ZKSCAN4: variants seen among roughly 807,000 people sequenced by gnomAD.
ZKSCAN4 encodes the protein zinc finger with KRAB and SCAN domains 4, also known as zinc finger protein with KRAB and SCAN domains 4.
In ZKSCAN4, 23 loss-of-function variants were observed where a neutral mutation model predicts 30.8. The observed-to-expected ratio is 0.75, with a 90% CI of 0.54 to 1.06. The LOEUF is 1.06. ZKSCAN4 is among the 50% of genes least tolerant of loss of function. The pLI is 0.00. For synonymous variants in ZKSCAN4, 208 were observed against 252.5 expected (o/e 0.82, Z 1.67); for missense variants, 556 against 665.4 (o/e 0.84, Z 1.81).
At position 28,245,719 on chromosome 6, in the gene ZKSCAN4, C is replaced by G; in HGVS notation, c.1035G>C (p.Glu345Asp). 2 of 1,614,274 alleles carry G rather than the reference C, an allele frequency of 1.2e-6. No individual in the cohort carries two copies. The highest frequency in any genetic ancestry group is 1.7e-6 in the Non-Finnish European group (2 of 1,180,044). Residue 345 changes from glutamate to aspartate, a missense_variant, in exon 5 of 5, where the codon GAG (glutamate) becomes GAC (aspartate). Coordinates refer to ENST00000377294, the MANE Select transcript of ZKSCAN4 (RefSeq NM_019110.5). ...LTKHRRIHTG[E>D]KPYECEDCGK... ...CACAGTCTTCACATTCATAGGGTTT[C>G]TCACCAGTGTGGATTCTCCTGTGTT...
chr6:28,252,137 ATCTC>A lies in ZKSCAN4; in HGVS notation c.-161_-158del. The A allele has an allele frequency of 2.9e-6, 2 of 687,822 alleles. No individual in the cohort carries two copies. The highest frequency in any genetic ancestry group is 3.3e-5 in the Admixed American group (1 of 30,664). The allele number at this position is 687,822 out of a possible 1,614,324, so 42.6% of individuals were successfully genotyped here. A position where few individuals can be genotyped will look rare whatever the true frequency, so the allele number is the denominator to read the frequency against. On this transcript the variant is annotated 5_prime_UTR_variant, in exon 1 of 5. Transcript: ENST00000377294. ...CACCCCCTGAGGCGCAGCTGCACAG[ATCTC>A]TCTTATAGTCCGTGCCTTTGCAGGG...
rs1046948249 is a variant in ZKSCAN4, at chr6:28,246,149, G to A, written c.779-174C>T. 1.4e-5 allele frequency: 12 copies of A among 839,270 alleles called. No individual in the cohort carries two copies. The African/African-American group carries it at 1.9e-4, about 13-fold the overall frequency. 52.0% of individuals were successfully genotyped at this position (839,270 alleles called of 1,614,324 possible). On this transcript the variant is annotated intron_variant, in intron 4 of 4. Coordinates refer to ENST00000377294, the MANE Select transcript of ZKSCAN4 (RefSeq NM_019110.5). ...GGAGAACAGGGGTGCTGGGGAGGAA[G>A]GAGGCCTGAGAATGAGAATGGGGCC... is the stretch of plus-strand genomic sequence containing the variant.
Position 28,249,852 on chromosome 6 carries a change from T to C in ZKSCAN4, c.424-18A>G, listed in dbSNP as rs763077579. 1.2e-6 allele frequency: 2 copies of C among 1,612,148 alleles called. No homozygotes were observed. The highest frequency in any genetic ancestry group is 1.7e-6 in the Non-Finnish European group (2 of 1,179,450). On this transcript the variant is annotated intron_variant, in intron 1 of 4. Transcript: ENST00000377294. This position sits in a 1 kb window ranked among gnomAD's most constrained non-coding sequence, Gnocchi z 4.1. ...ACGGGAACCTAGAAGTCACGATTTT[T>C]AGTTATCTACCCAACATTTCTATGT...
At chr6:28,247,114 A>T in intron 3 of ZKSCAN4, 22 bp from the exon 4 acceptor site, 1 of 1,563,776 alleles carries the variant, frequency 6.4e-7, no homozygotes, top group East Asian at 2.3e-5. Flanking sequence ...GGTAGTCCTA[A>T]CTAGCTCCTC....
chr6:28,249,761 T>C lies in ZKSCAN4; in HGVS notation c.497A>G (p.Gln166Arg). ...CTTCATTGGCTGGCACTGGCTACTT[T>C]GAGACCCTTGAGTTTGTGTCAATAG... ...MALLTQTQGS[Q>R]SSQCQPMKAL... is the part of the protein sequence containing the mutation. Residue 166 changes from glutamine to arginine, a missense_variant, in exon 2 of 5, where the codon CAA becomes CGA. By Grantham distance (43) the Gln-to-Arg change is conservative (BLOSUM62 1). Coordinates refer to ENST00000377294, the MANE Select transcript of ZKSCAN4 (RefSeq NM_019110.5). The surrounding 1 kb of genome is among the most constrained non-coding windows in gnomAD (Gnocchi z 4.1). 1 of 1,614,126 alleles carries C rather than the reference T, an allele frequency of 6.2e-7. No homozygotes were observed. Among genetic ancestry groups the C allele is most frequent in the Non-Finnish European group, 8.5e-7 (1 of 1,179,982 alleles).
chr6:28,250,016 C>G (rs1416668512), intron 1 of ZKSCAN4, among the ~76,000 whole-genome samples, 182 bp from the exon 2 acceptor site: 1 of 151,284 alleles, frequency 6.6e-6, no homozygotes, highest in Non-Finnish European at 1.5e-5. Context: ...GGAGATGTGG[C>G]CCGGATCCTC....
At chr6:28,256,000 G>A (rs1761164679), upstream of ZKSCAN4, among the ~76,000 whole-genome samples, 1 of 152,236 alleles carries the variant, frequency 6.6e-6, no homozygotes. Flanking sequence ...GAAATAGTTA[G>A]AGGTGAAGCA....
rs1761027234 is a variant in ZKSCAN4 at position 28,251,984 on chromosome 6, G to A, written c.-4C>T. 1 of 1,516,742 alleles carries A rather than the reference G, an allele frequency of 6.6e-7. No homozygotes were observed. Among genetic ancestry groups the A allele is most frequent in the Non-Finnish European group, 8.8e-7 (1 of 1,136,162 alleles). 94.0% of individuals were successfully genotyped at this position (1,516,742 alleles called of 1,614,324 possible). On this transcript the variant is annotated 5_prime_UTR_variant, in exon 1 of 5. Coordinates refer to ENST00000377294, the MANE Select transcript of ZKSCAN4 (RefSeq NM_019110.5). The surrounding 1 kb of genome is among the most constrained non-coding windows in gnomAD (Gnocchi z 4.5). ...TTTTTCTCGGTTCTCTAGCCATTCTGACCCAAGGCAGTACTCGGGTCTCAC... is the reference window on the plus strand; with the variant it reads ...TTTTTCTCGGTTCTCTAGCCATTCTAACCCAAGGCAGTACTCGGGTCTCAC...
Position 28,251,390 on chromosome 6 carries a change from A to C in ZKSCAN4, c.423+168T>G. ...TTATAGTTTCTTTATATATTTAAAA[A>C]TATAATTCTGAGAAGGAGTCCAGGG... On this transcript the variant is annotated intron_variant, in intron 1 of 4. Transcript: ENST00000377294. This position sits in a 1 kb window ranked among gnomAD's most constrained non-coding sequence, Gnocchi z 4.5. The C allele has an allele frequency of 9.8e-7, 1 of 1,020,374 alleles. No individual in the cohort carries two copies. Among genetic ancestry groups the C allele is most frequent in the Non-Finnish European group, 1.5e-6 (1 of 678,132 alleles). The allele number at this position is 1,020,374 out of a possible 1,614,324, so 63.2% of individuals were successfully genotyped here.
In ZKSCAN4 at chr6:28,241,857, G is replaced by C. The variant is rs1033006107; in HGVS notation, c.*3259C>G. Among the ~76,000 whole-genome samples the C allele has an allele frequency of 6.6e-6, 1 of 151,990 alleles. No homozygotes were observed. The highest frequency in any genetic ancestry group is 1.9e-4 in the East Asian group (1 of 5,186). On this transcript the variant is annotated 3_prime_UTR_variant, in exon 5 of 5. Transcript: ENST00000377294. ...TCTTATTTGTATAAGCAGATCCTCA[G>C]AATCCTAGGAGTTAAGTTGTCATTC...
Position 28,249,695 on chromosome 6 carries a change from TG to T in ZKSCAN4, c.562del (p.His188ThrfsTer22). ...CAGAAGAGAATACTCACCTCTATCG[TG>T]TAAGGGCTGGGATCCCAGAGATTCA... ...KHESLGSQPL[H>X]DRVLQVPGLA... On this transcript the variant is annotated frameshift_variant, in exon 2 of 5. Transcript: ENST00000377294. LOFTEE classifies it high-confidence loss of function. This position sits in a 1 kb window ranked among gnomAD's most constrained non-coding sequence, Gnocchi z 4.1. 6.2e-7 allele frequency: 1 copy of T among 1,613,900 alleles called. No individual in the cohort carries two copies. Among genetic ancestry groups the T allele is most frequent in the Non-Finnish European group, 8.5e-7 (1 of 1,179,930 alleles).
rs185212065 is a variant in ZKSCAN4, at chr6:28,248,208, C to A, written c.572-59G>T. On this transcript the variant is annotated intron_variant, in intron 2 of 4. Coordinates refer to ENST00000377294, the MANE Select transcript of ZKSCAN4 (RefSeq NM_019110.5). ...CCTAGTATTCAGCCTCCCCACCTTG[C>A]AAAATCCAAGTTCAAAAACTGGGGC... The A allele has an allele frequency of 1.0e-5, 14 of 1,396,196 alleles. No homozygotes were observed. The Admixed American group carries it at 3.0e-4, about 30-fold the overall frequency. The allele number at this position is 1,396,196 out of a possible 1,614,324, so 86.5% of individuals were successfully genotyped here. A position where few individuals can be genotyped will look rare whatever the true frequency, so the allele number is the denominator to read the frequency against.
At position 28,245,085 on chromosome 6, in the gene ZKSCAN4, T is replaced by C; in HGVS notation, c.*31A>G. On this transcript the variant is annotated 3_prime_UTR_variant, in exon 5 of 5. Coordinates refer to ENST00000377294, the MANE Select transcript of ZKSCAN4 (RefSeq NM_019110.5). ...AGGGTGGCTTCAGTTCAGTGACAAA[T>C]GAGCACCAATGTTGGCATGAATACC... 1 of 1,614,062 alleles carries C rather than the reference T, an allele frequency of 6.2e-7. No individual in the cohort carries two copies. The highest frequency in any genetic ancestry group is 8.5e-7 in the Non-Finnish European group (1 of 1,179,988).
chr6:28,252,030 C>G lies in ZKSCAN4; in HGVS notation c.-50G>C. Reference sequence around the variant, plus strand: ...CTCACTCTAGTTGCGACCTGTATATCTTCAGAGGATTCTGGAAGGGTGGTA... The same window carrying G: ...CTCACTCTAGTTGCGACCTGTATATGTTCAGAGGATTCTGGAAGGGTGGTA... On this transcript the variant is annotated 5_prime_UTR_variant, in exon 1 of 5. Transcript: ENST00000377294. 1.3e-6 allele frequency: 2 copies of G among 1,500,836 alleles called. No homozygotes were observed. The highest frequency in any genetic ancestry group is 1.8e-6 in the Non-Finnish European group (2 of 1,125,718). 93.0% of individuals were successfully genotyped at this position (1,500,836 alleles called of 1,614,324 possible).
chr6:28,247,591 A>G (rs1760792778), intron 3 of ZKSCAN4, among the ~76,000 whole-genome samples: 1 of 152,260 alleles, frequency 6.6e-6, no homozygotes, highest in African/African-American at 2.4e-5. Flanking sequence ...AAGATTGTTC[A>G]TATTGTAATA....
chr6:28,246,841 C>T (rs1760755339), intron 4 of ZKSCAN4, 128 bp downstream of exon 4: 1 of 1,162,782 alleles, frequency 8.6e-7, no homozygotes, highest in Admixed American at 2.5e-5. Context: ...TAGTCAGTAA[C>T]AGGCTTTCAG....
In ZKSCAN4 at chr6:28,244,891, A is replaced by T; in HGVS notation, c.*225T>A. 1.6e-6 allele frequency: 1 copy of T among 624,286 alleles called. No individual in the cohort carries two copies. The highest frequency in any genetic ancestry group is 2.8e-6 in the Non-Finnish European group (1 of 356,506). 38.7% of individuals were successfully genotyped at this position (624,286 alleles called of 1,614,324 possible). A position where few individuals can be genotyped will look rare whatever the true frequency, so the allele number is the denominator to read the frequency against. ...AGAACAAACTATTTTAGGTCCTACA[A>T]CTTCCAGACCACTCTCCCATGGCCT... On this transcript the variant is annotated 3_prime_UTR_variant, in exon 5 of 5. Transcript: ENST00000377294.
In ZKSCAN4 at chr6:28,244,625, A is replaced by G. The variant is rs1008728250; in HGVS notation, c.*491T>C. On this transcript the variant is annotated 3_prime_UTR_variant, in exon 5 of 5. Transcript: ENST00000377294. ...TTCTCAGAAATATAGACAACATCAA[A>G]TTTTTGGTACAAAGGCCATTTTACT... 1 of 171,986 alleles carries G rather than the reference A, an allele frequency of 5.8e-6. No homozygotes were observed. Among genetic ancestry groups the G allele is most frequent in the Non-Finnish European group, 1.3e-5 (1 of 77,598 alleles). 10.7% of individuals were successfully genotyped at this position (171,986 alleles called of 1,614,324 possible).
chr6:28,246,858 T>C lies in ZKSCAN4; in HGVS notation c.778+111A>G, dbSNP rs993144732. The C allele has an allele frequency of 3.4e-5, 44 of 1,313,056 alleles. 1 individual carries two copies. In the African/African-American group the frequency reaches 6.2e-4, roughly 19 times the overall value. 81.3% of individuals were successfully genotyped at this position (1,313,056 alleles called of 1,614,324 possible). The stretch of plus-strand genomic sequence containing the variant: ...GTCAGTAACAGGCTTTCAGGAATGG[T>C]GATTCTGAATCCAAACATAATGGGG... On this transcript the variant is annotated intron_variant, in intron 4 of 4. Coordinates refer to ENST00000377294, the MANE Select transcript of ZKSCAN4 (RefSeq NM_019110.5).
Sources: allele counts gnomAD v4.1 joint callset (sites outside exome capture counted in the v4.1 genomes callset), GRCh38; gene constraint gnomAD v4.1.1; non-coding constraint Gnocchi (gnomAD v3.1); transcripts MANE v1.5; gene names NCBI Gene and HGNC (gene_info 2026-07-23, HGNC 2026-07-21).